EYA2: variants seen among roughly 807,000 people sequenced by gnomAD.
EYA2 encodes protein phosphatase EYA2.
In EYA2, 31 loss-of-function variants were observed where a neutral mutation model predicts 69.2. The ratio of observed to expected loss-of-function variants is 0.45; its 90% CI spans 0.34 to 0.60. The LOEUF is 0.60. Among genes scored for constraint, EYA2 ranks in the 20% least tolerant of loss-of-function variants. The pLI is 0.02. For missense variants in EYA2, 622 were observed against 701.2 expected, an observed-to-expected ratio of 0.89 and a Z score of 1.28; for synonymous variants, 257 against 279.4, an observed-to-expected ratio of 0.92 and a Z score of 0.80.
intron 1 of EYA2, among the ~76,000 whole-genome samples, chr20:46,972,535 C>T (rs1012112539): frequency 2.0e-5 from 3 of 152,076 alleles, no homozygotes; most frequent in African/African-American, 7.2e-5. Flanking sequence ...CTCCCAGTTT[C>T]TTCACTTTTA....
At chr20:47,038,670 G>C (rs911979182) in intron 5 of EYA2, among the ~76,000 whole-genome samples, 6 of 152,144 alleles carry the variant, frequency 3.9e-5, no homozygotes. Flanking sequence ...ATACAGTAAG[G>C]AGTGTGAACT....
At chr20:47,028,181 C>A (rs1208292470) in intron 5 of EYA2, among the ~76,000 whole-genome samples, 1 of 152,198 alleles carries the variant, frequency 6.6e-6, no homozygotes, top group Non-Finnish European at 1.5e-5. Flanking sequence ...TGACCATATG[C>A]AAGCCAGGAA....
rs141356809 is a variant in EYA2, at chr20:46,956,637, A to G, written c.-10-33364A>G. The stretch of plus-strand genomic sequence containing the variant: ...TTCTGCTCATGGTCCATTAGCCGGA[A>G]CTCAGTCACTGGCTGGACCTAACTG... On this transcript the variant is annotated intron_variant, in intron 1 of 15. Transcript: ENST00000327619. Among the ~76,000 whole-genome samples, 918 of 152,270 alleles carry G rather than the reference A, an allele frequency of 6.0e-3. 16 individuals carry two copies. Among genetic ancestry groups the G allele is most frequent in the African/African-American group, 0.022 (897 of 41,542 alleles).
At chr20:47,019,738 G>GGTATATTTAT (rs1429098662) in intron 5 of EYA2, among the ~76,000 whole-genome samples, 22 of 151,826 alleles carry the variant, frequency 1.4e-4, no homozygotes, top group African/African-American at 5.3e-4. Context: ...GACCAAGGCA[G>GGTATATTTAT]GTATATTTAT....
intron 5 of EYA2, among the ~76,000 whole-genome samples, chr20:47,023,636 T>TTG (rs1555813784): frequency 2.1e-5 from 2 of 96,794 alleles, no homozygotes; most frequent in Admixed American, 9.8e-5. Context: ...TTGGGTGTTT[T>TTG]TTTTTTTTTT....
chr20:47,173,922 G>A (rs1405644818), intron 12 of EYA2, among the ~76,000 whole-genome samples: 2 of 152,230 alleles, frequency 1.3e-5, no homozygotes, highest in African/African-American at 4.8e-5. Flanking sequence ...CAGCCAAGGA[G>A]AGACCCGCCC....
At chr20:46,967,606 C>T (rs1248181537) in intron 1 of EYA2, among the ~76,000 whole-genome samples, 1 of 152,248 alleles carries the variant, frequency 6.6e-6, no homozygotes, top group South Asian at 2.1e-4. Context: ...CAGCTGTGAG[C>T]AGACCCCAAG....
chr20:46,993,717 G>A (rs1213946792), intron 2 of EYA2, among the ~76,000 whole-genome samples: 3 of 152,228 alleles, frequency 2.0e-5, no homozygotes, highest in Non-Finnish European at 4.4e-5. Context: ...GTTGCATAGT[G>A]ATGCTTGCTG....
At chr20:47,063,394 T>TGC (rs1352501978) in intron 5 of EYA2, among the ~76,000 whole-genome samples, 10 of 23,862 alleles carry the variant, frequency 4.2e-4, no homozygotes, top group Non-Finnish European at 1.1e-4. Context: ...TGCGTGTGCG[T>TGC]GTGTGTGTGT....
intron 9 of EYA2, among the ~76,000 whole-genome samples, chr20:47,105,949 A>G (rs1376910537): frequency 6.6e-6 from 1 of 152,164 alleles, no homozygotes; most frequent in Non-Finnish European, 1.5e-5. Context: ...TTATTGTGCA[A>G]TGGGAACAGT....
rs372743294 is a variant in EYA2 at position 47,057,139 on chromosome 20, G to GAGGGAGGAAGGAAGGA, written c.416-15043_416-15042insGAGGAAGGAAGGAAGG. Among the ~76,000 whole-genome samples the GAGGGAGGAAGGAAGGA allele has an allele frequency of 1.7e-3, 221 of 129,174 alleles. 2 individuals carry two copies. Among genetic ancestry groups the GAGGGAGGAAGGAAGGA allele is most frequent in the African/African-American group, 6.2e-3 (210 of 33,614 alleles). The allele number at this position is 129,174 out of a possible 152,430, so 84.7% of individuals were successfully genotyped here. A position where few individuals can be genotyped will look rare whatever the true frequency, so the allele number is the denominator to read the frequency against. The stretch of plus-strand genomic sequence containing the variant: ...GGGAAGGAAGAAGACAGGAAGGAGG[G>GAGGGAGGAAGGAAGGA]AGGAAGGAAGGAAGGAAGGAAGGAA... On this transcript the variant is annotated intron_variant, in intron 5 of 15. Coordinates refer to ENST00000327619, the MANE Select transcript of EYA2 (RefSeq NM_005244.5).
In EYA2 at chr20:47,001,442, G is replaced by GC; in HGVS notation, c.130dup (p.Leu44ProfsTer179). ...TTCTCCTGCAGGCATCACCAAATCG[G>GC]CCCCCCTGAGAGTGTCCCAGCTCTT... On this transcript the variant is annotated frameshift_variant, in exon 3 of 16. Transcript: ENST00000327619. LOFTEE classifies it high-confidence loss of function. 2.5e-6 allele frequency: 4 copies of GC among 1,613,994 alleles called. No homozygotes were observed. Among genetic ancestry groups the GC allele is most frequent in the Non-Finnish European group, 3.4e-6 (4 of 1,179,994 alleles).
At chr20:47,016,139 C>G in intron 4 of EYA2, 42 bp from the exon 5 acceptor site, 1 of 1,405,330 alleles carries the variant, frequency 7.1e-7, no homozygotes, top group Non-Finnish European at 1.0e-6. Context: ...GCATCCTAAT[C>G]ATGTGTCCTT....
At chr20:46,966,217 G>T (rs1193679345) in intron 1 of EYA2, among the ~76,000 whole-genome samples, 1 of 152,102 alleles carries the variant, frequency 6.6e-6, no homozygotes, top group Non-Finnish European at 1.5e-5. Context: ...GAGCTCCTGG[G>T]TTCACGTGAT....
At chr20:46,904,129 C>T (rs924263576) in intron 1 of EYA2, among the ~76,000 whole-genome samples, 8 of 152,172 alleles carry the variant, frequency 5.3e-5, no homozygotes, top group Non-Finnish European at 7.3e-5. Flanking sequence ...GGACTGCCAT[C>T]TCCAGCAGGG....
intron 5 of EYA2, among the ~76,000 whole-genome samples, chr20:47,045,622 C>G (rs547275399): frequency 3.0e-4 from 45 of 152,230 alleles, no homozygotes; most frequent in Non-Finnish European, 5.7e-4. Flanking sequence ...AGACGTTCTG[C>G]CTGAAGCTGC....
intron 7 of EYA2, among the ~76,000 whole-genome samples, chr20:47,088,778 G>A (rs1301603470): frequency 3.3e-5 from 5 of 152,114 alleles, no homozygotes; most frequent in Non-Finnish European, 5.9e-5. Flanking sequence ...ATAGAGACAG[G>A]GTCTTGCTAT....
chr20:46,926,459 C>T (rs1985415966), intron 1 of EYA2, among the ~76,000 whole-genome samples: 1 of 152,192 alleles, frequency 6.6e-6, no homozygotes, highest in South Asian at 2.1e-4. Context: ...TGAGATGTCC[C>T]AGTTCAAGCA....
chr20:46,930,276 A>G (rs901321729), intron 1 of EYA2, among the ~76,000 whole-genome samples: 1 of 152,242 alleles, frequency 6.6e-6, no homozygotes, highest in Non-Finnish European at 1.5e-5. Flanking sequence ...AAAACTTTTA[A>G]AAAATAAAAG....
Sources: allele counts gnomAD v4.1 joint callset (sites outside exome capture counted in the v4.1 genomes callset), GRCh38; gene constraint gnomAD v4.1.1; transcripts MANE v1.5; gene names NCBI Gene and HGNC (gene_info 2026-07-23, HGNC 2026-07-21).